Variants in CEP57 observed in about 807,000 individuals in gnomAD.
The protein encoded by CEP57 is centrosomal protein 57, also known as centrosomal protein of 57 kDa.
Under a neutral mutation model 68.0 loss-of-function variants are expected in CEP57, and 40 were observed. The ratio of observed to expected loss-of-function variants is 0.59; its 90% confidence interval spans 0.46 to 0.77. The LOEUF (loss-of-function observed/expected upper bound fraction) is 0.77. Ranked by LOEUF, CEP57 falls within the 30% of genes least tolerant of loss-of-function variation. The pLI is 0.00. For synonymous variants in CEP57, 219 were observed against 198.7 expected (o/e 1.10, Z -0.86); for missense variants, 606 against 580.7 (o/e 1.04, Z -0.45).
intron 4 of CEP57, among the ~76,000 whole-genome samples, chr11:95,817,488 A>T (rs1028469535): frequency 1.3e-5 from 2 of 152,202 alleles, no homozygotes; most frequent in African/African-American, 4.8e-5. Flanking sequence ...GACCAAACTA[A>T]AAGTATTTGT....
intron 8 of CEP57, chr11:95,823,002 C>T (rs185148469): frequency 3.0e-5 from 7 of 229,890 alleles, no homozygotes; most frequent in Admixed American, 2.0e-4. Flanking sequence ...ACTAATTCTC[C>T]AAGAAGCAGT....
intron 4 of CEP57, 21 bp from the exon 5 acceptor site, chr11:95,817,766 G>A (rs189323652): frequency 2.7e-5 from 40 of 1,457,010 alleles, no homozygotes; most frequent in East Asian, 9.1e-5. Flanking sequence ...TTATCAAGCC[G>A]TATTGAATAT....
At position 95,799,217 on chromosome 11, in the gene CEP57, G is replaced by A. The variant is rs750240633; in HGVS notation, c.46-15G>A. On this transcript the variant is annotated splice_polypyrimidine_tract_variant and intron_variant, in intron 1 of 10. Coordinates refer to ENST00000325542, the MANE Select transcript of CEP57 (RefSeq NM_014679.5). ...TTCACACTTTTGAAAGGTAATTTGT[G>A]TCTTTATTTTTTAGAACAGCTTTGC... 1.9e-6 allele frequency: 3 copies of A among 1,613,766 alleles called. No homozygotes were observed. In the Admixed American group the frequency reaches 5.0e-5, roughly 27 times the overall value.
At chr11:95,812,087 A>C (rs1239543197) in intron 2 of CEP57, among the ~76,000 whole-genome samples, 1 of 152,212 alleles carries the variant, frequency 6.6e-6, no homozygotes, top group African/African-American at 2.4e-5. Context: ...TGCAGTCAAC[A>C]TAATTTTATA....
intron 1 of CEP57, among the ~76,000 whole-genome samples, chr11:95,792,939 G>A (rs374733083): frequency 1.3e-5 from 2 of 151,226 alleles, no homozygotes; most frequent in Admixed American, 1.3e-4. Context: ...AAAAAAACTT[G>A]TTAAAACTAT....
intron 5 of CEP57, 63 bp from the exon 6 acceptor site, chr11:95,818,764 A>T: frequency 7.9e-7 from 1 of 1,270,910 alleles, no homozygotes; most frequent in South Asian, 1.2e-5. Flanking sequence ...GTGCTGCTAT[A>T]TTAAAATTTT....
chr11:95,812,871 C>A, intron 2 of CEP57, 61 bp from the exon 3 acceptor site: 2 of 1,445,084 alleles, frequency 1.4e-6, no homozygotes, highest in South Asian at 1.2e-5. Flanking sequence ...TTTATTCTTT[C>A]TTAATATACT....
intron 2 of CEP57, among the ~76,000 whole-genome samples, chr11:95,807,638 A>G (rs1216531625): frequency 2.0e-5 from 3 of 152,218 alleles, no homozygotes; most frequent in East Asian, 3.8e-4. Context: ...GATCAAATGA[A>G]TGAAATGAAG....
chr11:95,804,121 C>T (rs1486333696), intron 2 of CEP57, among the ~76,000 whole-genome samples: 1 of 151,898 alleles, frequency 6.6e-6, no homozygotes, highest in Non-Finnish European at 1.5e-5. Context: ...AACTCAAAAG[C>T]CAATATATGC....
intron 2 of CEP57, 21 bp from the exon 3 acceptor site, chr11:95,812,911 G>A (rs752598778): frequency 5.0e-6 from 8 of 1,611,188 alleles, no homozygotes; most frequent in East Asian, 4.5e-5. Context: ...CAGCATCCAC[G>A]TTTGTGTTTG....
At chr11:95,792,911 T>G (rs1861159082) in intron 1 of CEP57, among the ~76,000 whole-genome samples, 1 of 143,742 alleles carries the variant, frequency 7.0e-6, no homozygotes, top group Non-Finnish European at 1.6e-5. Context: ...ATCTTAACAG[T>G]AGGCAACATT....
At chr11:95,808,845 C>T (rs890062709) in intron 2 of CEP57, among the ~76,000 whole-genome samples, 24 of 152,124 alleles carry the variant, frequency 1.6e-4, no homozygotes, top group South Asian at 6.2e-4. Context: ...GGTTCTGCAC[C>T]GAGCGAACCT....
intron 7 of CEP57, 111 bp from the exon 8 acceptor site, chr11:95,822,388 T>A: frequency 1.3e-6 from 1 of 780,318 alleles, no homozygotes; most frequent in Non-Finnish European, 2.2e-6. Flanking sequence ...CAACTATAGA[T>A]AAGGCAAGTA....
intron 2 of CEP57, among the ~76,000 whole-genome samples, chr11:95,805,605 CTACCTAGTGTATAGTTTAAATTAG>C (rs1327618575): frequency 6.6e-6 from 1 of 152,172 alleles, no homozygotes; most frequent in Non-Finnish European, 1.5e-5. Context: ...GCAGCTCTCC[CTACCTAGTGTATAGTTTAAATTAG>C]TGTTTAGACA....
chr11:95,799,923 G>T (rs577235185), intron 2 of CEP57, among the ~76,000 whole-genome samples: 1 of 152,162 alleles, frequency 6.6e-6, no homozygotes, highest in South Asian at 2.1e-4. Context: ...GACCCTATAT[G>T]CCTCACCAGC....
At chr11:95,810,568 G>A (rs1862013135) in intron 2 of CEP57, among the ~76,000 whole-genome samples, 1 of 152,082 alleles carries the variant, frequency 6.6e-6, no homozygotes, top group Non-Finnish European at 1.5e-5. Flanking sequence ...CAGACACACA[G>A]CCAAATCATG....
chr11:95,804,247 G>A (rs535320903), intron 2 of CEP57, among the ~76,000 whole-genome samples: 1 of 152,242 alleles, frequency 6.6e-6, no homozygotes, highest in Admixed American at 6.5e-5. Flanking sequence ...AGTTAGTATA[G>A]GCAAATAGCA....
chr11:95,814,155 T>A (rs1043750318), intron 4 of CEP57, among the ~76,000 whole-genome samples: 7 of 152,104 alleles, frequency 4.6e-5, no homozygotes, highest in African/African-American at 1.7e-4. Flanking sequence ...TAGGCTCAGG[T>A]GATTCTCATG....
rs140017821 is a variant in CEP57 at position 95,827,933 on chromosome 11, A to C, written c.1033A>C (p.Lys345Gln). 3.7e-6 allele frequency: 6 copies of C among 1,614,030 alleles called. No homozygotes were observed. In the African/African-American group the frequency reaches 8.0e-5, roughly 22 times the overall value. The change falls in exon 9 of 11, where the codon AAG becomes CAG. Residue 345 changes from lysine to glutamine, a missense_variant. Transcript: ENST00000325542. Reference protein sequence around the residue: ...QVSSRGGKSKKLSVTPPSSNG... With the variant: ...QVSSRGGKSKQLSVTPPSSNG... ...ATCTTCACGAGGTGGTAAAAGTAAG[A>C]AGTTGTCAGTAACACCTCCCTCCTC...
Sources: allele counts gnomAD v4.1 joint callset (sites outside exome capture counted in the v4.1 genomes callset), GRCh38; gene constraint gnomAD v4.1.1; transcripts MANE v1.5; gene names NCBI Gene and HGNC (gene_info 2026-07-23, HGNC 2026-07-21).